PSD4: variants seen among roughly 807,000 people sequenced by gnomAD.
PSD4 encodes PH and SEC7 domain-containing protein 4.
A neutral mutation model predicts 112.5 loss-of-function variants in PSD4; 59 were observed. The observed-to-expected ratio is 0.52, with a 90% CI of 0.43 to 0.65. PSD4 has a LOEUF of 0.65. Ranked by LOEUF, PSD4 falls within the 30% of genes least tolerant of loss-of-function variation. The pLI is 0.00. For synonymous variants in PSD4, 533 were observed against 540.0 expected (o/e 0.99, Z 0.18); for missense variants, 1,267 against 1,352.6 (o/e 0.94, Z 0.99).
intron 5 of PSD4, among the ~76,000 whole-genome samples, chr2:113,187,988 C>G (rs1047416175): frequency 5.9e-5 from 9 of 152,170 alleles, no homozygotes; most frequent in Non-Finnish European, 1.2e-4. Flanking sequence ...CCTCACAAGT[C>G]ACGTGGAAAA....
At chr2:113,198,290 A>G (rs1185915620) in intron 14 of PSD4, 2 of 235,420 alleles carry the variant, frequency 8.5e-6, no homozygotes, top group Non-Finnish European at 1.6e-5. Flanking sequence ...TTTATTTTTG[A>G]GACAGAGTCT....
chr2:113,196,543 G>GA, intron 12 of PSD4: 1 of 481,736 alleles, frequency 2.1e-6, no homozygotes, highest in East Asian at 3.1e-5. Context: ...CTGGGCCCCA[G>GA]AGTCCCTGTA....
chr2:113,199,242 C>T lies in PSD4; in HGVS notation c.2913+16C>T, dbSNP rs868408965. 20 of 1,461,904 alleles carry T rather than the reference C, an allele frequency of 1.4e-5. No individual in the cohort carries two copies. In the Middle Eastern group the frequency reaches 2.4e-3, roughly 176 times the overall value. 90.6% of individuals were successfully genotyped at this position (1,461,904 alleles called of 1,614,324 possible). A position where few individuals can be genotyped will look rare whatever the true frequency, so the allele number is the denominator to read the frequency against. Reference sequence around the variant, plus strand: ...GGAGTACGAGGTGAGCGGCCGAGCCCACCTCCCCGCCGCTGCGCAGCGCCC... The same window carrying T: ...GGAGTACGAGGTGAGCGGCCGAGCCTACCTCCCCGCCGCTGCGCAGCGCCC... On this transcript the variant is annotated intron_variant, in intron 16 of 16. Coordinates refer to ENST00000245796, the MANE Select transcript of PSD4 (RefSeq NM_012455.3).
intron 2 of PSD4, among the ~76,000 whole-genome samples, chr2:113,184,377 C>CTT (rs10610865): frequency 4.0e-5 from 5 of 125,726 alleles, no homozygotes; most frequent in Non-Finnish European, 8.1e-5. Flanking sequence ...TCAGGACTTT[C>CTT]TTTTTTTTTT....
chr2:113,183,588 G>A, intron 2 of PSD4, 76 bp downstream of exon 2: 13 of 1,340,078 alleles, frequency 9.7e-6, no homozygotes, highest in Admixed American at 2.7e-5. Context: ...GGGTCACCAG[G>A]CCCAGAACAT....
At chr2:113,182,273 C>T (rs1023650778) in intron 1 of PSD4, 73 bp from the exon 2 acceptor site, 13 of 613,134 alleles carry the variant, frequency 2.1e-5, no homozygotes, top group Middle Eastern at 4.4e-4. Context: ...CCAAACACAT[C>T]TAACACACTA....
At chr2:113,184,511 T>A (rs556761234) in intron 2 of PSD4, among the ~76,000 whole-genome samples, 1 of 151,944 alleles carries the variant, frequency 6.6e-6, no homozygotes, top group South Asian at 2.1e-4. Flanking sequence ...GTAGCTGGGA[T>A]TACAGGTGTG....
At chr2:113,187,872 A>G (rs959274220) in intron 5 of PSD4, among the ~76,000 whole-genome samples, 5 of 152,306 alleles carry the variant, frequency 3.3e-5, no homozygotes, top group Admixed American at 3.3e-4. Context: ...GCTCATGAAC[A>G]CTACATAATG....
chr2:113,201,663 G>C lies in PSD4; in HGVS notation c.*248G>C, dbSNP rs1688782461. The C allele has an allele frequency of 3.6e-6, 2 of 562,474 alleles. No individual in the cohort carries two copies. The highest frequency in any genetic ancestry group is 6.5e-5 in the Admixed American group (2 of 30,668). 34.8% of individuals were successfully genotyped at this position (562,474 alleles called of 1,614,324 possible). Reference sequence around the variant, plus strand: ...CCCCAGTCCCTGGCCACGCCCAAGGGAAGAGGGAGGTGAGGACTTGACTTT... The same window carrying C: ...CCCCAGTCCCTGGCCACGCCCAAGGCAAGAGGGAGGTGAGGACTTGACTTT... On this transcript the variant is annotated 3_prime_UTR_variant, in exon 17 of 17. Transcript: ENST00000245796.
intron 1 of PSD4, among the ~76,000 whole-genome samples, chr2:113,174,466 C>A (rs1160236129): frequency 6.6e-6 from 1 of 152,240 alleles, no homozygotes; most frequent in African/African-American, 2.4e-5. Context: ...CCAGTGGGGG[C>A]TTTTGTGGCC....
intron 14 of PSD4, among the ~76,000 whole-genome samples, chr2:113,198,384 G>C (rs747103099): frequency 1.3e-5 from 2 of 152,216 alleles, no homozygotes; most frequent in African/African-American, 4.8e-5. Flanking sequence ...CGATTCTCAT[G>C]CCTGAGCCTC....
chr2:113,189,065 C>T (rs1688382084), intron 5 of PSD4, among the ~76,000 whole-genome samples: 1 of 152,132 alleles, frequency 6.6e-6, no homozygotes, highest in Non-Finnish European at 1.5e-5. Context: ...CCGCCTTTCA[C>T]CCTTTACCCC....
intron 6 of PSD4, 102 bp downstream of exon 6, chr2:113,192,691 CCT>C (rs1688482474): frequency 8.1e-7 from 1 of 1,241,928 alleles, no homozygotes; most frequent in Admixed American, 2.3e-5. Flanking sequence ...CCGTCCCTGC[CCT>C]GTTCCCTTCC....
At chr2:113,199,413 C>T (rs1011780727) in intron 16 of PSD4, among the ~76,000 whole-genome samples, 187 bp downstream of exon 16, 2 of 152,234 alleles carry the variant, frequency 1.3e-5, no homozygotes, top group Admixed American at 1.3e-4. Flanking sequence ...CCCGCGTGCA[C>T]GGGCGTGCAC....
chr2:113,206,863 A>G lies in PSD4; in HGVS notation c.*5448A>G, dbSNP rs759676840. On this transcript the variant is annotated 3_prime_UTR_variant, in exon 17 of 17. Coordinates refer to ENST00000245796, the MANE Select transcript of PSD4 (RefSeq NM_012455.3). ...CTTGGCTCTGCCTTGGCCTGCAAATAACAAATCTGAGCTCAAATGAGCTTT... is the reference window on the plus strand; with the variant it reads ...CTTGGCTCTGCCTTGGCCTGCAAATGACAAATCTGAGCTCAAATGAGCTTT... 1 of 152,138 alleles carries G rather than the reference A, an allele frequency of 6.6e-6. No individual in the cohort carries two copies. The highest frequency in any genetic ancestry group is 1.5e-5 in the Non-Finnish European group (1 of 68,046). The allele number at this position is 152,138 out of a possible 1,614,324, so 9.4% of individuals were successfully genotyped here.
intron 11 of PSD4, 24 bp from the exon 12 acceptor site, chr2:113,196,123 C>T: frequency 6.3e-7 from 1 of 1,598,880 alleles, no homozygotes; most frequent in Non-Finnish European, 8.6e-7. Flanking sequence ...GTCAGCACTT[C>T]CAGCCCGATT....
rs2276561 is a variant in PSD4, at chr2:113,198,794, G to A, written c.2679G>A (p.Thr893=). The change falls in exon 15 of 17, where the codon ACG becomes ACA. Residue 893 remains threonine (T), a synonymous_variant. Transcript: ENST00000245796. Reference sequence around the variant, plus strand: ...CGCGCATCAACTTGGCTGCGGCCACGCACTCCGCGCCGCCCTTCCCCGCCG... The same window carrying A: ...CGCGCATCAACTTGGCTGCGGCCACACACTCCGCGCCGCCCTTCCCCGCCG... ...WIARINLAAA[T]HSAPPFPAAV... 19 of 1,587,320 alleles carry A rather than the reference G, an allele frequency of 1.2e-5. No individual in the cohort carries two copies. The highest frequency in any genetic ancestry group is 1.5e-5 in the Non-Finnish European group (18 of 1,170,694).
intron 8 of PSD4, 35 bp from the exon 9 acceptor site, chr2:113,193,557 T>A (rs550931919): frequency 6.3e-7 from 1 of 1,594,622 alleles, no homozygotes; most frequent in East Asian, 2.2e-5. Flanking sequence ...CTGGTTCCAA[T>A]GAGCTTTCTC....
intron 1 of PSD4, among the ~76,000 whole-genome samples, chr2:113,179,870 A>G (rs1489049541): frequency 1.3e-5 from 2 of 152,144 alleles, no homozygotes; most frequent in Non-Finnish European, 2.9e-5. Flanking sequence ...CCGGTCAGGG[A>G]CCATTCCGGG....
Sources: allele counts gnomAD v4.1 joint callset (sites outside exome capture counted in the v4.1 genomes callset), GRCh38; gene constraint gnomAD v4.1.1; transcripts MANE v1.5; gene names NCBI Gene and HGNC (gene_info 2026-07-23, HGNC 2026-07-21).